The following SLC6A9 variants were observed in gnomAD, a reference collection of about 807,000 sequenced individuals.
SLC6A9 encodes the protein sodium- and chloride-dependent glycine transporter 1.
SLC6A9 carries 31 observed loss-of-function variants against 70.9 expected under a neutral mutation model. The observed-to-expected ratio is 0.44, with a 90% CI of 0.33 to 0.59. The LOEUF is 0.59. Ranked by LOEUF, SLC6A9 falls within the 20% of genes least tolerant of loss-of-function variation. The pLI is 0.04. For synonymous variants in SLC6A9, 310 were observed against 341.3 expected (o/e 0.91, Z 1.01); for missense variants, 631 against 845.2 (o/e 0.75, Z 3.14).
At chr1:44,019,981 C>T (rs575996794) in intron 2 of SLC6A9, among the ~76,000 whole-genome samples, 4 of 152,140 alleles carry the variant, frequency 2.6e-5, no homozygotes, top group African/African-American at 9.6e-5. Context: ...GGCAGGGCCC[C>T]CGACCAGAGA....
intron 4 of SLC6A9, among the ~76,000 whole-genome samples, 193 bp downstream of exon 4, chr1:44,009,771 AG>A (rs1389880826): frequency 1.3e-5 from 2 of 152,092 alleles, no homozygotes; most frequent in Non-Finnish European, 2.9e-5. Context: ...ACGTGGTAGG[AG>A]GGGAGGGTGG....
intron 1 of SLC6A9, among the ~76,000 whole-genome samples, chr1:44,028,493 C>T (rs2087024446): frequency 6.6e-6 from 1 of 152,202 alleles, no homozygotes. Flanking sequence ...CGGTGGCTCA[C>T]ACCTGTAATC....
chr1:43,997,608 G>T lies in SLC6A9; in HGVS notation c.1839C>A (p.Asp613Glu), dbSNP rs1177225100. Residue 613 changes from aspartate to glutamate, a missense_variant, in exon 14 of 14, where the codon GAC (aspartate) becomes GAA (glutamate). Asp to Glu is a conservative substitution (Grantham distance 45). Coordinates refer to ENST00000372310, the MANE Select transcript of SLC6A9 (RefSeq NM_001024845.3). This position sits in a 1 kb window ranked among gnomAD's most constrained non-coding sequence, Gnocchi z 4.4. ...TGCCCACAATGGGGATCTGCGCCTT[G>T]TCCGGGTGCAGTGGCTGGACCTCGA... ...DGFEVQPLHP[D>E]KAQIPIVGSN... 1.2e-6 allele frequency: 2 copies of T among 1,614,018 alleles called. No individual in the cohort carries two copies. Among genetic ancestry groups the T allele is most frequent in the Non-Finnish European group, 1.7e-6 (2 of 1,180,022 alleles).
intron 2 of SLC6A9, among the ~76,000 whole-genome samples, chr1:44,017,776 C>A (rs1240820785): frequency 6.6e-6 from 1 of 152,252 alleles, no homozygotes; most frequent in South Asian, 2.1e-4. Flanking sequence ...CCTAGTGAAC[C>A]ACGCTGTCAG....
intron 2 of SLC6A9, among the ~76,000 whole-genome samples, chr1:44,021,511 G>A (rs372630539): frequency 2.6e-5 from 4 of 152,310 alleles, no homozygotes; most frequent in African/African-American, 2.4e-5. Context: ...AGACTTGGAG[G>A]GCCAGTGTCC....
chr1:44,000,076 C>T (rs1478912738), intron 12 of SLC6A9, among the ~76,000 whole-genome samples: 1 of 152,228 alleles, frequency 6.6e-6, no homozygotes, highest in Non-Finnish European at 1.5e-5. Context: ...GGGCCAATTA[C>T]TTAACATCCC....
At chr1:44,026,839 G>C (rs1252857215) in intron 1 of SLC6A9, among the ~76,000 whole-genome samples, 3 of 152,182 alleles carry the variant, frequency 2.0e-5, no homozygotes, top group Admixed American at 2.0e-4. Flanking sequence ...GACTCGGAGA[G>C]GTCACATGCC....
rs561970720 is a variant in SLC6A9, at chr1:44,003,880, A to G, written c.591-895T>C. On this transcript the variant is annotated intron_variant, in intron 5 of 13. Transcript: ENST00000372310. ...CATTTACGTGCCCGGGCCTGTGCTA[A>G]GTGCTGGGCATACAGGCCTGCAGGG... Among the ~76,000 whole-genome samples the G allele has an allele frequency of 2.9e-4, 44 of 152,244 alleles. 1 individual carries two copies. The highest frequency in any genetic ancestry group is 2.9e-3 in the Admixed American group (44 of 15,290).
intron 2 of SLC6A9, among the ~76,000 whole-genome samples, chr1:44,016,112 C>T (rs1024454843): frequency 1.3e-5 from 2 of 152,238 alleles, no homozygotes; most frequent in Non-Finnish European, 2.9e-5. Flanking sequence ...CCGGGCTCCA[C>T]TCCAGGCCCT....
intron 4 of SLC6A9, 138 bp downstream of exon 4, chr1:44,009,827 C>T (rs1048043758): frequency 1.8e-5 from 18 of 1,023,344 alleles, no homozygotes; most frequent in East Asian, 7.4e-5. Context: ...TGGCTTAGGC[C>T]GTTGATGTGG....
intron 1 of SLC6A9, among the ~76,000 whole-genome samples, chr1:44,030,129 G>A (rs557152902): frequency 1.4e-4 from 22 of 152,180 alleles, no homozygotes; most frequent in Non-Finnish European, 8.8e-5. Context: ...GGCCCGAGGC[G>A]CGGAGGCCTC....
In SLC6A9 at chr1:44,002,681, T is replaced by G. The variant is rs199721329; in HGVS notation, c.724-35A>C. ...GAGGGCTCCATGGACTCTTCTGGGC[T>G]CTCCCCTCCCCTGGGCACCACCACC... On this transcript the variant is annotated intron_variant, in intron 6 of 13. Coordinates refer to ENST00000372310, the MANE Select transcript of SLC6A9 (RefSeq NM_001024845.3). The surrounding 1 kb of genome is among the most constrained non-coding windows in gnomAD (Gnocchi z 5.5). The G allele has an allele frequency of 3.7e-6, 6 of 1,612,568 alleles. No homozygotes were observed. Among genetic ancestry groups the G allele is most frequent in the Non-Finnish European group, 5.1e-6 (6 of 1,178,948 alleles).
At chr1:44,031,166 T>TCTCACA (rs1553165392) in intron 1 of SLC6A9, 140 bp downstream of exon 1, 1 of 148,200 alleles carries the variant, frequency 6.7e-6, no homozygotes, top group Non-Finnish European at 1.5e-5. Flanking sequence ...ACATGCGCGA[T>TCTCACA]CACACACACA....
intron 5 of SLC6A9, among the ~76,000 whole-genome samples, chr1:44,006,193 A>C (rs2086302664): frequency 6.6e-6 from 1 of 152,084 alleles, no homozygotes; most frequent in African/African-American, 2.4e-5. Flanking sequence ...CTCACTCAGC[A>C]ATATCTGCTC....
intron 10 of SLC6A9, 27 bp downstream of exon 10, chr1:44,001,137 C>A: frequency 1.9e-6 from 3 of 1,614,120 alleles, no homozygotes; most frequent in Middle Eastern, 1.6e-4. Context: ...CAACTCTGGG[C>A]CAGCCCTTCC....
chr1:44,026,130 C>A lies in SLC6A9; in HGVS notation c.-85-1768G>T, dbSNP rs564713687. Among the ~76,000 whole-genome samples the A allele has an allele frequency of 5.9e-5, 9 of 152,360 alleles. No homozygotes were observed. In the East Asian group the frequency reaches 1.7e-3, roughly 29 times the overall value. On this transcript the variant is annotated intron_variant, in intron 1 of 13. Coordinates refer to ENST00000372310, the MANE Select transcript of SLC6A9 (RefSeq NM_001024845.3). ...GGGACAAGATGTGACCCAGGCTGGC[C>A]TGTGGCTCAACTTGTCCTCCTAAAG... is the stretch of plus-strand genomic sequence containing the variant.
At position 44,010,713 on chromosome 1, in the gene SLC6A9, G is replaced by A. The variant is rs1347335767; in HGVS notation, c.187+13C>T. Reference sequence around the variant, plus strand: ...CCCAAGTGGGTGGTCCCTGCCCTGTGCCCACTGGGTACCTCCCCCGTTGCG... The same window carrying A: ...CCCAAGTGGGTGGTCCCTGCCCTGTACCCACTGGGTACCTCCCCCGTTGCG... On this transcript the variant is annotated intron_variant, in intron 3 of 13. Coordinates refer to ENST00000372310, the MANE Select transcript of SLC6A9 (RefSeq NM_001024845.3). 4 of 1,613,530 alleles carry A rather than the reference G, an allele frequency of 2.5e-6. No individual in the cohort carries two copies. The highest frequency in any genetic ancestry group is 1.7e-5 in the Admixed American group (1 of 59,998).
At chr1:44,000,319 C>T (rs2086043238) in intron 12 of SLC6A9, among the ~76,000 whole-genome samples, 1 of 152,222 alleles carries the variant, frequency 6.6e-6, no homozygotes, top group Non-Finnish European at 1.5e-5. Context: ...GCAAAGTTGC[C>T]CCCATGCAGA....
chr1:44,010,432 G>A (rs2086505355), intron 3 of SLC6A9: 2 of 388,770 alleles, frequency 5.1e-6, no homozygotes, highest in South Asian at 2.8e-5. Context: ...GAACCCCAGG[G>A]AATAGAACAG....
Sources: allele counts gnomAD v4.1 joint callset (sites outside exome capture counted in the v4.1 genomes callset), GRCh38; gene constraint gnomAD v4.1.1; non-coding constraint Gnocchi (gnomAD v3.1); transcripts MANE v1.5; gene names NCBI Gene and HGNC (gene_info 2026-07-23, HGNC 2026-07-21).